The following ABI3BP variants were observed in gnomAD, a reference collection of about 807,000 sequenced individuals.
ABI3BP encodes the protein target of Nesh-SH3.
ABI3BP carries 216 observed loss-of-function variants against 268.6 expected under a neutral mutation model. The ratio of observed to expected loss-of-function variants is 0.80; its 90% CI spans 0.72 to 0.90. The LOEUF (loss-of-function observed/expected upper bound fraction) is 0.90. ABI3BP is among the 40% of genes least tolerant of loss of function. The pLI, the probability that ABI3BP is intolerant of heterozygous loss-of-function variation, is 0.00. For synonymous variants in ABI3BP, 730 were observed against 730.0 expected, an observed-to-expected ratio of 1.00 and a Z score of 0.00; for missense variants, 2,090 against 2,182.4, an observed-to-expected ratio of 0.96 and a Z score of 0.84.
chr3:100,810,029 T>C (rs1211647260), intron 49 of ABI3BP, among the ~76,000 whole-genome samples: 3 of 152,138 alleles, frequency 2.0e-5, no homozygotes, highest in Admixed American at 2.0e-4. Flanking sequence ...AGGTTTCTTT[T>C]AATGTCAAAA....
rs573866172 is a variant in ABI3BP, at chr3:100,941,436, G to A, written c.80-14955C>T. Among the ~76,000 whole-genome samples the A allele has an allele frequency of 4.6e-5, 7 of 152,192 alleles. No homozygotes were observed. The South Asian group carries it at 6.2e-4, about 14-fold the overall frequency. On this transcript the variant is annotated intron_variant, in intron 1 of 67. Coordinates refer to ENST00000471714, the MANE Select transcript of ABI3BP (RefSeq NM_001375547.2). Reference sequence around the variant, plus strand: ...GGACATTTTCATCACCAAATACCCAGAAGACGGTTACTTTCGAATTTAGAA... The same window carrying A: ...GGACATTTTCATCACCAAATACCCAAAAGACGGTTACTTTCGAATTTAGAA...
intron 1 of ABI3BP, among the ~76,000 whole-genome samples, chr3:100,982,878 T>C (rs897098039): frequency 6.6e-6 from 1 of 151,952 alleles, no homozygotes; most frequent in African/African-American, 2.4e-5. Context: ...GAGAAGGAAA[T>C]TGTCCTGCAT....
At chr3:100,757,475 G>C (rs968121656) in intron 63 of ABI3BP, among the ~76,000 whole-genome samples, 4 of 152,114 alleles carry the variant, frequency 2.6e-5, no homozygotes, top group Non-Finnish European at 2.9e-5. Context: ...TTAGAAAATA[G>C]AACAATTCCT....
chr3:100,849,439 G>T (rs889394421), intron 17 of ABI3BP, among the ~76,000 whole-genome samples: 2 of 151,982 alleles, frequency 1.3e-5, no homozygotes, highest in South Asian at 4.2e-4. Flanking sequence ...GGCCATGCTG[G>T]TCTTGAACTC....
chr3:100,906,975 C>T (rs2053699471), intron 2 of ABI3BP, among the ~76,000 whole-genome samples: 1 of 152,144 alleles, frequency 6.6e-6, no homozygotes, highest in South Asian at 2.1e-4. Flanking sequence ...CCAAGATAAT[C>T]CTAAAAGAAA....
chr3:100,879,508 C>T (rs556480110), intron 6 of ABI3BP, among the ~76,000 whole-genome samples: 4 of 152,182 alleles, frequency 2.6e-5, no homozygotes, highest in Non-Finnish European at 4.4e-5. Flanking sequence ...TGCTGAATTG[C>T]ATTATACCAG....
rs12330704 is a variant in ABI3BP at position 100,782,862 on chromosome 3, G to A, written c.4163-2653C>T. Reference sequence around the variant, plus strand: ...CCAATTAGACAGTCTGGCCCAAGCTGTGACCTGACTTCTTTTTCCCTCAGG... The same window carrying A: ...CCAATTAGACAGTCTGGCCCAAGCTATGACCTGACTTCTTTTTCCCTCAGG... On this transcript the variant is annotated intron_variant, in intron 57 of 67. Transcript: ENST00000471714. Among the ~76,000 whole-genome samples, 737 of 152,232 alleles carry A rather than the reference G, an allele frequency of 4.8e-3. 2 individuals are homozygous for A. Among genetic ancestry groups the A allele is most frequent in the African/African-American group, 0.017 (692 of 41,540 alleles).
chr3:100,756,868 A>C (rs2095649400), intron 63 of ABI3BP, among the ~76,000 whole-genome samples: 1 of 151,882 alleles, frequency 6.6e-6, no homozygotes. Flanking sequence ...TGGGAACTGA[A>C]AGGCACATTT....
chr3:100,914,152 A>G (rs757002613), intron 2 of ABI3BP, among the ~76,000 whole-genome samples: 4 of 152,156 alleles, frequency 2.6e-5, no homozygotes, highest in Non-Finnish European at 4.4e-5. Context: ...TTTTTTCCTC[A>G]GAAAAAGTAT....
chr3:100,886,520 G>A (rs1409289522), intron 4 of ABI3BP, among the ~76,000 whole-genome samples, 197 bp from the exon 5 acceptor site: 1 of 151,974 alleles, frequency 6.6e-6, no homozygotes, highest in Non-Finnish European at 1.5e-5. Flanking sequence ...ATTTCTCATT[G>A]CAAGTTGGAG....
At chr3:100,978,446 T>C (rs2087431873) in intron 1 of ABI3BP, among the ~76,000 whole-genome samples, 1 of 152,208 alleles carries the variant, frequency 6.6e-6, no homozygotes, top group African/African-American at 2.4e-5. Context: ...TTAACTTTAA[T>C]ACATATACAC....
At chr3:100,971,292 A>C (rs921836604) in intron 1 of ABI3BP, among the ~76,000 whole-genome samples, 5 of 152,196 alleles carry the variant, frequency 3.3e-5, no homozygotes, top group Non-Finnish European at 4.4e-5. Context: ...TTCCATTATA[A>C]TGCTACCTGG....
intron 6 of ABI3BP, among the ~76,000 whole-genome samples, chr3:100,880,111 T>C (rs1227717288): frequency 6.6e-6 from 1 of 152,228 alleles, no homozygotes; most frequent in Non-Finnish European, 1.5e-5. Flanking sequence ...GACCTTTCCT[T>C]ACTTTTTCTA....
intron 36 of ABI3BP, among the ~76,000 whole-genome samples, chr3:100,824,480 A>G (rs1194674039): frequency 1.3e-5 from 2 of 152,168 alleles, no homozygotes; most frequent in East Asian, 3.8e-4. Flanking sequence ...AAGCTGACAT[A>G]TCACCCATGG....
intron 31 of ABI3BP, among the ~76,000 whole-genome samples, chr3:100,830,941 C>T (rs1214063658): frequency 6.6e-6 from 1 of 152,080 alleles, no homozygotes; most frequent in Non-Finnish European, 1.5e-5. Context: ...TCTGGCTAGT[C>T]ATTTTCTTAG....
chr3:100,827,524 G>T (rs936412146), intron 34 of ABI3BP, among the ~76,000 whole-genome samples: 1 of 152,086 alleles, frequency 6.6e-6, no homozygotes, highest in Non-Finnish European at 1.5e-5. Context: ...GGTAGAAAAA[G>T]ATAACCTTTA....
intron 1 of ABI3BP, among the ~76,000 whole-genome samples, chr3:100,981,723 G>A (rs1381991743): frequency 6.6e-6 from 1 of 152,182 alleles, no homozygotes; most frequent in African/African-American, 2.4e-5. Flanking sequence ...GTACAGGAGT[G>A]GGATGCTCAT....
At chr3:100,970,868 T>A (rs1279189441) in intron 1 of ABI3BP, among the ~76,000 whole-genome samples, 1 of 152,206 alleles carries the variant, frequency 6.6e-6, no homozygotes, top group Non-Finnish European at 1.5e-5. Context: ...TGTTACTTCA[T>A]CTCAGTATCC....
intron 2 of ABI3BP, among the ~76,000 whole-genome samples, chr3:100,919,048 C>T (rs538270323): frequency 1.3e-5 from 2 of 152,320 alleles, no homozygotes; most frequent in African/African-American, 4.8e-5. Context: ...CTGTCTTGCT[C>T]CCTGCCTTTG....
Sources: gnomAD v4.1 joint callset for allele counts (sites outside exome capture counted in the v4.1 genomes callset) on GRCh38, gnomAD v4.1.1 for gene constraint, MANE v1.5 for transcripts, NCBI Gene and HGNC (gene_info 2026-07-23, HGNC 2026-07-21) for gene names.